GRM7: variants seen among roughly 807,000 people sequenced by gnomAD.
The protein encoded by GRM7 is metabotropic glutamate receptor 7.
GRM7 carries 35 observed loss-of-function variants against 84.5 expected under a neutral mutation model. That is an observed-to-expected ratio of 0.41 (90% CI 0.32 to 0.55). GRM7 has a LOEUF of 0.55. Ranked by LOEUF, GRM7 falls within the 20% of genes least tolerant of loss-of-function variation. The probability of loss-of-function intolerance (pLI) is 0.19; values close to 1 mark genes in which losing one functional copy is unlikely to be tolerated. For missense variants in GRM7, 1,003 were observed against 1,194.6 expected (o/e 0.84, Z 2.36); for synonymous variants, 487 against 455.1 (o/e 1.07, Z -0.89).
intron 1 of GRM7, among the ~76,000 whole-genome samples, chr3:6,867,043 G>C (rs1320491517): frequency 1.3e-5 from 2 of 152,212 alleles, no homozygotes; most frequent in Admixed American, 6.5e-5. Context: ...AGTGGTGGGA[G>C]AGAGGGGAGC....
chr3:6,870,659 C>T (rs927051337), intron 1 of GRM7, among the ~76,000 whole-genome samples: 4 of 152,106 alleles, frequency 2.6e-5, no homozygotes, highest in Non-Finnish European at 5.9e-5. Context: ...AGAGAAGAGG[C>T]ATTTCCAGGT....
intron 2 of GRM7, among the ~76,000 whole-genome samples, chr3:7,193,479 T>G (rs1695782025): frequency 6.6e-6 from 1 of 152,138 alleles, no homozygotes; most frequent in Non-Finnish European, 1.5e-5. Flanking sequence ...TTCATGGACC[T>G]CTCACTCCCT....
At chr3:7,279,316 C>T (rs1699177432) in intron 2 of GRM7, among the ~76,000 whole-genome samples, 1 of 151,462 alleles carries the variant, frequency 6.6e-6, no homozygotes, top group South Asian at 2.1e-4. Flanking sequence ...GTACTCCTCA[C>T]ATCTCCTCTC....
intron 1 of GRM7, among the ~76,000 whole-genome samples, chr3:6,980,232 T>G (rs1694146439): frequency 6.6e-6 from 1 of 152,178 alleles, no homozygotes; most frequent in African/African-American, 2.4e-5. Context: ...CAGAGCATAA[T>G]GTTAATGATT....
chr3:7,316,272 A>G (rs1700579672), intron 4 of GRM7, among the ~76,000 whole-genome samples: 1 of 152,126 alleles, frequency 6.6e-6, no homozygotes, highest in Non-Finnish European at 1.5e-5. Flanking sequence ...GATTACGAGT[A>G]AAGTAAGAGA....
At chr3:7,498,603 T>G (rs146413032) in intron 7 of GRM7, among the ~76,000 whole-genome samples, 179 of 152,298 alleles carry the variant, frequency 1.2e-3, no homozygotes, top group Non-Finnish European at 1.8e-3. Context: ...GATGAGGATT[T>G]AAAGATTCAG....
chr3:7,617,426 C>G (rs1697143150), intron 8 of GRM7, among the ~76,000 whole-genome samples: 2 of 152,040 alleles, frequency 1.3e-5, no homozygotes, highest in South Asian at 4.2e-4. Flanking sequence ...AAAAGGGAAA[C>G]TACAGCTAGA....
chr3:7,001,968 A>G (rs577921299), intron 1 of GRM7, among the ~76,000 whole-genome samples: 3 of 152,358 alleles, frequency 2.0e-5, no homozygotes, highest in South Asian at 4.1e-4. Flanking sequence ...TAGTGGAGAC[A>G]TTTAATTCAG....
chr3:7,689,537 C>G (rs527500724), intron 9 of GRM7, among the ~76,000 whole-genome samples: 1 of 152,226 alleles, frequency 6.6e-6, no homozygotes, highest in Non-Finnish European at 1.5e-5. Context: ...TGTGAGACAC[C>G]ATCATTTCTC....
intron 3 of GRM7, among the ~76,000 whole-genome samples, chr3:7,302,874 T>G (rs1415505934): frequency 1.3e-5 from 2 of 152,114 alleles, no homozygotes; most frequent in East Asian, 3.9e-4. Context: ...TGATCATTTT[T>G]GGATACATTA....
intron 4 of GRM7, among the ~76,000 whole-genome samples, chr3:7,335,327 G>T (rs975534585): frequency 6.6e-6 from 1 of 152,010 alleles, no homozygotes; most frequent in Non-Finnish European, 1.5e-5. Flanking sequence ...GGTCAACAAA[G>T]AAATTTTGAT....
chr3:7,538,214 A>G (rs1692660863), intron 7 of GRM7, among the ~76,000 whole-genome samples: 1 of 152,176 alleles, frequency 6.6e-6, no homozygotes, highest in Admixed American at 6.5e-5. Context: ...GATTCAAGTG[A>G]TTCTCCTGCC....
intron 8 of GRM7, among the ~76,000 whole-genome samples, chr3:7,622,444 T>A (rs1697401633): frequency 6.6e-6 from 1 of 151,990 alleles, no homozygotes; most frequent in Admixed American, 6.6e-5. Context: ...ATGAGTGAAA[T>A]AGACATGGCC....
At chr3:7,097,201 C>A (rs1041407363) in intron 1 of GRM7, among the ~76,000 whole-genome samples, 2 of 152,014 alleles carry the variant, frequency 1.3e-5, no homozygotes, top group Non-Finnish European at 1.5e-5. Flanking sequence ...AGATGGGGAG[C>A]CCTGTCCCTG....
intron 2 of GRM7, among the ~76,000 whole-genome samples, chr3:7,268,421 A>C (rs1009278187): frequency 2.0e-5 from 3 of 152,050 alleles, no homozygotes; most frequent in Admixed American, 6.6e-5. Flanking sequence ...GAGCCACTGC[A>C]CTCCAGCCTG....
At chr3:7,043,273 C>T (rs60998716) in intron 1 of GRM7, among the ~76,000 whole-genome samples, 19,142 of 152,116 alleles carry the variant, frequency 0.13, 1,673 homozygotes, top group African/African-American at 0.25. Context: ...TCAGAGTTCT[C>T]TCTTGGACTT....
At chr3:7,517,694 G>C (rs571124955) in intron 7 of GRM7, among the ~76,000 whole-genome samples, 45 of 152,212 alleles carry the variant, frequency 3.0e-4, no homozygotes, top group Non-Finnish European at 4.4e-5. Context: ...TGCTTCCCTA[G>C]TTATTATTTT....
intron 1 of GRM7, among the ~76,000 whole-genome samples, chr3:6,930,853 T>C (rs1697474775): frequency 6.6e-6 from 1 of 152,216 alleles, no homozygotes; most frequent in Admixed American, 6.5e-5. Flanking sequence ...GAGAATATAC[T>C]AGCTGCTGGC....
rs367971673 is a variant in GRM7, at chr3:7,579,252, G to T, written c.2346G>T (p.Glu782Asp). 5 of 1,613,714 alleles carry T rather than the reference G, an allele frequency of 3.1e-6. No individual in the cohort carries two copies. Among genetic ancestry groups the T allele is most frequent in the Non-Finnish European group, 4.2e-6 (5 of 1,179,736 alleles). Residue 782 changes from glutamate (E) to aspartate (D), a missense_variant, in exon 8 of 10, where the codon GAG becomes GAT. Physicochemically the swap from Glu to Asp is conservative, Grantham distance 45. Coordinates refer to ENST00000357716, the MANE Select transcript of GRM7 (RefSeq NM_000844.4). ...CCATCAAGACTCGGGGTGTACCCGA[G>T]AATTTTAACGAAGCCAAGCCCATTG... ...VYAIKTRGVP[E>D]NFNEAKPIGF... is the part of the protein sequence containing the mutation.
Sources: gnomAD v4.1 joint callset for allele counts (sites outside exome capture counted in the v4.1 genomes callset) on GRCh38, gnomAD v4.1.1 for gene constraint, MANE v1.5 for transcripts, NCBI Gene and HGNC (gene_info 2026-07-23, HGNC 2026-07-21) for gene names.